The following TTLL7 variants were observed in gnomAD, a reference collection of about 807,000 sequenced individuals.
TTLL7 encodes the protein tubulin polyglutamylase TTLL7.
A neutral mutation model predicts 120.2 loss-of-function variants in TTLL7; 53 were observed. The observed-to-expected ratio is 0.44, with a 90% CI of 0.35 to 0.55. TTLL7 has a LOEUF of 0.55. Among genes scored for constraint, TTLL7 ranks in the 20% least tolerant of loss-of-function variants. The probability of loss-of-function intolerance (pLI) is 0.00; values close to 1 mark genes in which losing one functional copy is unlikely to be tolerated. For missense variants in TTLL7, 803 were observed against 1,054.7 expected (o/e 0.76, Z 3.31); for synonymous variants, 353 against 351.7 (o/e 1.00, Z -0.04).
intron 1 of TTLL7, among the ~76,000 whole-genome samples, chr1:83,976,033 CTGTGTGTGTGTGTGTGTGTGTGTG>C (rs34596192): frequency 6.8e-6 from 1 of 147,834 alleles, no homozygotes; most frequent in Non-Finnish European, 1.5e-5. Flanking sequence ...TTGTCTCTCT[CTGTGTGTGTGTGTGTGTGTGTGTG>C]TGTGTGTGTG....
At chr1:83,947,516 A>T in intron 5 of TTLL7, 1 of 406,764 alleles carries the variant, frequency 2.5e-6, no homozygotes, top group South Asian at 3.5e-5. Context: ...CCTAATATGT[A>T]CTAATTTACA....
intron 20 of TTLL7, among the ~76,000 whole-genome samples, chr1:83,874,311 C>T (rs530387039): frequency 6.6e-6 from 1 of 152,050 alleles, no homozygotes; most frequent in African/African-American, 2.4e-5. Flanking sequence ...GAATTTCAGT[C>T]CATACTGTGG....
At chr1:83,976,639 T>C (rs1399519572) in intron 1 of TTLL7, among the ~76,000 whole-genome samples, 1 of 152,122 alleles carries the variant, frequency 6.6e-6, no homozygotes, top group Non-Finnish European at 1.5e-5. Flanking sequence ...AACAATACTC[T>C]TCTCTGCAAA....
chr1:83,982,122 A>G (rs1490606914), intron 1 of TTLL7, among the ~76,000 whole-genome samples: 2 of 152,244 alleles, frequency 1.3e-5, no homozygotes, highest in Non-Finnish European at 2.9e-5. Flanking sequence ...ACTAGAAACC[A>G]ATAACAGAAA....
intron 20 of TTLL7, among the ~76,000 whole-genome samples, chr1:83,875,237 A>T (rs1431540598): frequency 6.6e-6 from 1 of 151,850 alleles, no homozygotes; most frequent in Non-Finnish European, 1.5e-5. Context: ...ACATTCCTTA[A>T]ACACCATAAT....
At chr1:83,882,223 A>G (rs557574926) in intron 20 of TTLL7, among the ~76,000 whole-genome samples, 1 of 151,064 alleles carries the variant, frequency 6.6e-6, no homozygotes, top group African/African-American at 2.4e-5. Flanking sequence ...ATTTACCCTA[A>G]AACTTAAAGT....
At position 83,875,695 on chromosome 1, in the gene TTLL7, T is replaced by C. The variant is rs867559659; in HGVS notation, c.2544-5613A>G. ...TGGATATGCAGTGATTCTGACATTT[T>C]GCATTTCCCTGATTATTAGCTTAAA... On this transcript the variant is annotated intron_variant, in intron 20 of 20. Coordinates refer to ENST00000260505, the MANE Select transcript of TTLL7 (RefSeq NM_024686.6). 2.6e-5 allele frequency among the ~76,000 whole-genome samples: 4 copies of C among 151,918 alleles called. No individual in the cohort carries two copies. In the South Asian group the frequency reaches 8.3e-4, roughly 31 times the overall value.
intron 5 of TTLL7, among the ~76,000 whole-genome samples, chr1:83,947,975 T>C (rs900027815): frequency 2.0e-5 from 3 of 152,172 alleles, no homozygotes; most frequent in Admixed American, 6.5e-5. Context: ...TTTCAGTTTA[T>C]TAAGTAAAAG....
intron 3 of TTLL7, among the ~76,000 whole-genome samples, chr1:83,950,219 G>A (rs1353788351): frequency 6.6e-6 from 1 of 152,040 alleles, no homozygotes; most frequent in African/African-American, 2.4e-5. Context: ...GATCTTCTCA[G>A]GTTTAACAGG....
chr1:83,874,011 C>T (rs1355526502), intron 20 of TTLL7, among the ~76,000 whole-genome samples: 1 of 151,970 alleles, frequency 6.6e-6, no homozygotes, highest in African/African-American at 2.4e-5. Context: ...TTTTTCTTAC[C>T]ATTTTTAATT....
chr1:83,899,929 A>C (rs889502495), intron 18 of TTLL7, among the ~76,000 whole-genome samples: 4 of 152,056 alleles, frequency 2.6e-5, no homozygotes, highest in Non-Finnish European at 5.9e-5. Flanking sequence ...TCTTAGAATA[A>C]ATCAGTATCA....
intron 1 of TTLL7, among the ~76,000 whole-genome samples, chr1:83,964,618 T>TTTTTCTTTCAGAGAAGTTCAGAGC (rs1163968589): frequency 6.6e-6 from 1 of 152,176 alleles, no homozygotes; most frequent in Non-Finnish European, 1.5e-5. Flanking sequence ...AACGTATACA[T>TTTTTCTTTCAGAGAAGTTCAGAGC]TTTTCTTTCA....
chr1:83,908,127 A>G (rs76495534), intron 15 of TTLL7, among the ~76,000 whole-genome samples: 6,338 of 152,146 alleles, frequency 0.042, 152 homozygotes, highest in Middle Eastern at 0.092. Context: ...TCAGGTTTCA[A>G]TCCTGACCCT....
At chr1:83,890,158 A>T (rs1655339139) in intron 19 of TTLL7, among the ~76,000 whole-genome samples, 163 bp downstream of exon 19, 1 of 152,138 alleles carries the variant, frequency 6.6e-6, no homozygotes, top group Admixed American at 6.6e-5. Flanking sequence ...CATCTTATCT[A>T]AATCAGCTTA....
intron 4 of TTLL7, 177 bp from the exon 5 acceptor site, chr1:83,948,872 A>C (rs1268194312): frequency 1.1e-5 from 5 of 455,390 alleles, no homozygotes; most frequent in African/African-American, 4.0e-5. Flanking sequence ...AGAGTATGGT[A>C]ATCAGAGAAT....
intron 1 of TTLL7, chr1:83,983,904 A>C (rs1026907200): frequency 2.6e-5 from 4 of 152,426 alleles, no homozygotes; most frequent in African/African-American, 9.6e-5. Flanking sequence ...GGCCAGGGCA[A>C]TATAATGAGA....
At chr1:83,921,445 C>T (rs1206532945) in intron 10 of TTLL7, 51 bp from the exon 11 acceptor site, 2 of 1,584,794 alleles carry the variant, frequency 1.3e-6, no homozygotes, top group Non-Finnish European at 8.6e-7. Context: ...AAGTTCTGAT[C>T]TTATCCCTGT....
intron 7 of TTLL7, among the ~76,000 whole-genome samples, chr1:83,938,918 T>C (rs1647670527): frequency 6.6e-6 from 1 of 152,152 alleles, no homozygotes; most frequent in African/African-American, 2.4e-5. Context: ...GCCAACTATA[T>C]TCATGTCATA....
chr1:83,880,367 T>G (rs1335763462), intron 20 of TTLL7: 1 of 152,006 alleles, frequency 6.6e-6, no homozygotes, highest in Non-Finnish European at 1.5e-5. Context: ...AACACTACAA[T>G]GACAGAATCT....
Sources: allele counts gnomAD v4.1 joint callset (sites outside exome capture counted in the v4.1 genomes callset), GRCh38; gene constraint gnomAD v4.1.1; transcripts MANE v1.5; gene names NCBI Gene and HGNC (gene_info 2026-07-23, HGNC 2026-07-21).